The following ARK2C variants were observed in gnomAD, a reference collection of about 807,000 sequenced individuals.
ARK2C encodes the protein E3 ubiquitin-protein ligase ARK2C.
the ARK2C span, among the ~76,000 whole-genome samples, chr18:46,397,645 T>G: frequency 0.067 from 7,787 of 116,490 alleles, 588 homozygotes; most frequent in East Asian, 0.14. Context: ...TGTGTGTGTG[T>G]GGGGTCATGC....
the ARK2C span, among the ~76,000 whole-genome samples, chr18:46,393,306 C>G: frequency 2.6e-5 from 4 of 152,216 alleles, no homozygotes; most frequent in South Asian, 8.3e-4. Context: ...AGCTCTTGTT[C>G]TGGGCCGGTG....
the ARK2C span, among the ~76,000 whole-genome samples, chr18:46,384,007 T>A: frequency 1.3e-5 from 2 of 152,312 alleles, no homozygotes; most frequent in South Asian, 4.2e-4. Context: ...GGACACACAG[T>A]CCTCTTTCTG....
At chr18:46,411,263 C>A in the ARK2C span, among the ~76,000 whole-genome samples, 1 of 152,152 alleles carries the variant, frequency 6.6e-6, no homozygotes, top group East Asian at 1.9e-4. Flanking sequence ...GGGTCACTGG[C>A]AAGTAGCTTT....
At chr18:46,450,531 G>C in the ARK2C span, 1 of 821,338 alleles carries the variant, frequency 1.2e-6, no homozygotes, top group Non-Finnish European at 2.0e-6. Context: ...GAGTAAGAAA[G>C]AGAAGAAGGG....
chr18:46,382,899 A>G, the ARK2C span, among the ~76,000 whole-genome samples: 1 of 152,252 alleles, frequency 6.6e-6, no homozygotes, highest in East Asian at 1.9e-4. Flanking sequence ...GGGACTGCCA[A>G]ACACCACCAT....
chr18:46,437,453 T>G, the ARK2C span, among the ~76,000 whole-genome samples: 1 of 152,090 alleles, frequency 6.6e-6, no homozygotes, highest in Non-Finnish European at 1.5e-5. Context: ...TGGGGGAGTG[T>G]GTCTGTTGCA....
chr18:46,401,080 A>T, the ARK2C span, among the ~76,000 whole-genome samples: 1 of 152,110 alleles, frequency 6.6e-6, no homozygotes, highest in South Asian at 2.1e-4. Flanking sequence ...CCTGGCTGAG[A>T]GACACAGGGA....
chr18:46,411,507 C>A, the ARK2C span, among the ~76,000 whole-genome samples: 1 of 152,222 alleles, frequency 6.6e-6, no homozygotes. Context: ...TCGATTGATT[C>A]ATTTCAACAT....
At chr18:46,401,512 G>A in the ARK2C span, among the ~76,000 whole-genome samples, 1 of 152,186 alleles carries the variant, frequency 6.6e-6, no homozygotes, top group Admixed American at 6.5e-5. Context: ...TTCTGGAGAC[G>A]TGAAGTGATT....
the ARK2C span, among the ~76,000 whole-genome samples, chr18:46,433,991 C>T: frequency 1.3e-5 from 2 of 152,216 alleles, no homozygotes; most frequent in African/African-American, 4.8e-5. Flanking sequence ...TTCCCACCCT[C>T]AAGAATTCTC....
At chr18:46,386,573 C>CCCACCCAT in the ARK2C span, 150,880 of 151,508 alleles carry the variant, frequency 1, 75,129 homozygotes, top group East Asian at 1. Flanking sequence ...CATCCATTCA[C>CCCACCCAT]CCACCCATCC....
the ARK2C span, among the ~76,000 whole-genome samples, chr18:46,377,920 AG>A: frequency 2.0e-5 from 3 of 152,034 alleles, no homozygotes; most frequent in Non-Finnish European, 4.4e-5. Flanking sequence ...ACATCCAAGA[AG>A]AAGTTCTGGG....
the ARK2C span, chr18:46,456,820 C>T: frequency 2.2e-4 from 131 of 583,418 alleles, no homozygotes; most frequent in Non-Finnish European, 3.3e-4. Context: ...GGAGGACCCA[C>T]CTCTCCAGAA....
chr18:46,455,889 G>T, the ARK2C span: 6 of 748,240 alleles, frequency 8.0e-6, no homozygotes, highest in South Asian at 1.0e-4. Context: ...GACTCCCAGG[G>T]GAAGAGCAGG....
chr18:46,410,414 G>A, the ARK2C span, among the ~76,000 whole-genome samples: 2 of 152,278 alleles, frequency 1.3e-5, no homozygotes, highest in South Asian at 2.1e-4. Context: ...TTAAGGTGGA[G>A]GAGGAGGCAG....
chr18:46,400,001 A>G, the ARK2C span, among the ~76,000 whole-genome samples: 3 of 152,218 alleles, frequency 2.0e-5, no homozygotes, highest in South Asian at 6.2e-4. Flanking sequence ...CTGGGGCCAC[A>G]CCCCAGGTGT....
chr18:46,393,208 C>T, the ARK2C span, among the ~76,000 whole-genome samples: 1 of 152,206 alleles, frequency 6.6e-6, no homozygotes, highest in Non-Finnish European at 1.5e-5. Context: ...GATATGAATT[C>T]TAACTTTGCC....
chr18:46,391,121 A>C, the ARK2C span, among the ~76,000 whole-genome samples: 2 of 152,152 alleles, frequency 1.3e-5, no homozygotes, highest in African/African-American at 4.8e-5. Context: ...TGAGGACAAA[A>C]TGGCACCAAT....
the ARK2C span, among the ~76,000 whole-genome samples, chr18:46,410,146 A>G: frequency 2.6e-5 from 4 of 152,148 alleles, no homozygotes; most frequent in Non-Finnish European, 4.4e-5. Flanking sequence ...TCCACTTCTA[A>G]GGTCACATGA....
Sources: gnomAD v4.1 joint callset for allele counts (sites outside exome capture counted in the v4.1 genomes callset) on GRCh38, gnomAD v4.1.1 for gene constraint, MANE v1.5 for transcripts, NCBI Gene and HGNC (gene_info 2026-07-23, HGNC 2026-07-21) for gene names.